Variants in ACSM2B observed in about 807,000 individuals in gnomAD.
ACSM2B encodes acyl-CoA synthetase medium chain family member 2B.
A neutral mutation model predicts 78.6 loss-of-function variants in ACSM2B; 58 were observed. That is an observed-to-expected ratio of 0.74 (90% CI 0.60 to 0.92). The LOEUF (loss-of-function observed/expected upper bound fraction) is 0.92. Ranked by LOEUF, ACSM2B falls within the 40% of genes least tolerant of loss-of-function variation. The probability of loss-of-function intolerance (pLI) is 0.00; values close to 1 mark genes in which losing one functional copy is unlikely to be tolerated. For missense variants in ACSM2B, 688 were observed against 711.2 expected (o/e 0.97, Z 0.37); for synonymous variants, 257 against 256.8 (o/e 1.00, Z -0.01).
intron 2 of ACSM2B, among the ~76,000 whole-genome samples, chr16:20,561,005 A>T (rs2015637071): frequency 6.6e-6 from 1 of 152,112 alleles, no homozygotes; most frequent in South Asian, 2.1e-4. Context: ...AATCTGACAG[A>T]AGAAATTTTT....
chr16:20,573,371 A>C (rs1245812608), intron 1 of ACSM2B, among the ~76,000 whole-genome samples: 1 of 150,516 alleles, frequency 6.6e-6, no homozygotes, highest in African/African-American at 2.5e-5. Context: ...AGGGGAGGCC[A>C]TCACTATTGC....
At position 20,552,475 on chromosome 16, in the gene ACSM2B, T is replaced by C. The variant is rs1438838831; in HGVS notation, c.741-178A>G. Among the ~76,000 whole-genome samples the C allele has an allele frequency of 5.9e-5, 9 of 152,174 alleles. 1 individual carries two copies. The South Asian group carries it at 1.9e-3, about 32-fold the overall frequency. ...GGAAGGGGGAAGAAAAGTTGTTCTG[T>C]CCACACATCCTGCATTGATAGGAGA... is the stretch of plus-strand genomic sequence containing the variant. On this transcript the variant is annotated intron_variant, in intron 5 of 13. Coordinates refer to ENST00000329697, the MANE Select transcript of ACSM2B (RefSeq NM_001105069.2).
At chr16:20,557,948 C>G (rs1567213368) in intron 3 of ACSM2B, among the ~76,000 whole-genome samples, 1 of 152,182 alleles carries the variant, frequency 6.6e-6, no homozygotes, top group Non-Finnish European at 1.5e-5. Flanking sequence ...AGAAATCTAA[C>G]TTATAGTCTA....
At chr16:20,570,129 T>C (rs1269493227) in intron 1 of ACSM2B, among the ~76,000 whole-genome samples, 1 of 151,826 alleles carries the variant, frequency 6.6e-6, no homozygotes, top group Non-Finnish European at 1.5e-5. Flanking sequence ...AGCATTCATG[T>C]CTTGTTCTAG....
chr16:20,544,098 A>T (rs181232136), intron 10 of ACSM2B, among the ~76,000 whole-genome samples: 1 of 152,080 alleles, frequency 6.6e-6, no homozygotes, highest in Non-Finnish European at 1.5e-5. Flanking sequence ...TTCCTTTTTT[A>T]TCAAATGGGG....
intron 13 of ACSM2B, among the ~76,000 whole-genome samples, chr16:20,538,421 A>G (rs2014900998): frequency 6.6e-6 from 1 of 152,224 alleles, no homozygotes; most frequent in Non-Finnish European, 1.5e-5. Context: ...TAGTTGCAAC[A>G]TAGACCACAT....
chr16:20,558,279 C>T (rs2015538377), intron 3 of ACSM2B, among the ~76,000 whole-genome samples: 2 of 151,368 alleles, frequency 1.3e-5, no homozygotes, highest in South Asian at 4.2e-4. Flanking sequence ...GTTGACTCAA[C>T]ACAAGAAGAC....
rs185378512 is a variant in ACSM2B at position 20,541,012 on chromosome 16, C to T, written c.1510-239G>A. The stretch of plus-strand genomic sequence containing the variant: ...TTGAGACCAGGCTCACCTCATGCTC[C>T]AAGGACAACAGAGACAGATGAGGAG... On this transcript the variant is annotated intron_variant, in intron 12 of 13. Transcript: ENST00000329697. 336 of 381,942 alleles carry T rather than the reference C, an allele frequency of 8.8e-4. 1 individual carries two copies. The highest frequency in any genetic ancestry group is 6.3e-3 in the African/African-American group (311 of 49,620). The allele number at this position is 381,942 out of a possible 1,614,324, so 23.7% of individuals were successfully genotyped here.
chr16:20,546,979 T>C, intron 8 of ACSM2B: 1 of 368,800 alleles, frequency 2.7e-6, no homozygotes. Context: ...CTTTTTAAAG[T>C]ATCTCCCATG....
At chr16:20,557,857 A>G (rs2152140731) in intron 3 of ACSM2B, among the ~76,000 whole-genome samples, 1 of 152,326 alleles carries the variant, frequency 6.6e-6, no homozygotes, top group East Asian at 1.9e-4. Context: ...GAAATCTGAC[A>G]TAGCTGACTT....
At chr16:20,545,313 T>G (rs2152133568) in intron 9 of ACSM2B, 55 bp from the exon 10 acceptor site, 5 of 1,579,302 alleles carry the variant, frequency 3.2e-6, no homozygotes, top group Middle Eastern at 1.7e-4. Flanking sequence ...ATGGCTTCAA[T>G]GGCAGCAGGA....
rs2015066001 is a variant in ACSM2B at position 20,543,828 on chromosome 16, G to T, written c.1282-566C>A. 2.0e-5 allele frequency among the ~76,000 whole-genome samples: 3 copies of T among 152,154 alleles called. No individual in the cohort carries two copies. In the South Asian group the frequency reaches 6.2e-4, roughly 32 times the overall value. Reference sequence around the variant, plus strand: ...CTTCCTATCTGACTCAGGTATAGGGGCATGGGCTCCAGACTGGAAGTTCAG... The same window carrying T: ...CTTCCTATCTGACTCAGGTATAGGGTCATGGGCTCCAGACTGGAAGTTCAG... On this transcript the variant is annotated intron_variant, in intron 10 of 13. Coordinates refer to ENST00000329697, the MANE Select transcript of ACSM2B (RefSeq NM_001105069.2).
intron 13 of ACSM2B, among the ~76,000 whole-genome samples, chr16:20,538,949 CT>C (rs2014917191): frequency 6.6e-6 from 1 of 152,102 alleles, no homozygotes; most frequent in Non-Finnish European, 1.5e-5. Context: ...CACCAGACCC[CT>C]GTGGGGATTG....
intron 10 of ACSM2B, chr16:20,544,644 T>A (rs1483009643): frequency 1.0e-6 from 1 of 985,014 alleles, no homozygotes; most frequent in Admixed American, 6.1e-5. Flanking sequence ...GCAAGTCTTG[T>A]AATCTCTGGC....
intron 1 of ACSM2B, among the ~76,000 whole-genome samples, chr16:20,570,331 G>C (rs2016058577): frequency 1.3e-5 from 2 of 151,878 alleles, no homozygotes; most frequent in Admixed American, 6.6e-5. Context: ...TGTGATTTTT[G>C]TTTTTAATTC....
chr16:20,575,940 C>G (rs908989946), intron 1 of ACSM2B: 2 of 151,820 alleles, frequency 1.3e-5, no homozygotes, highest in African/African-American at 4.9e-5. Flanking sequence ...TGGGATTCAT[C>G]CTTCTCTGAC....
chr16:20,553,389 C>T (rs1215787229), intron 5 of ACSM2B, among the ~76,000 whole-genome samples: 2 of 152,194 alleles, frequency 1.3e-5, no homozygotes, highest in Non-Finnish European at 2.9e-5. Flanking sequence ...TCTTCCACTT[C>T]AGTCAATTTG....
Position 20,563,429 on chromosome 16 carries a change from A to G in ACSM2B, c.177+1240T>C, listed in dbSNP as rs192046886. Reference sequence around the variant, plus strand: ...GTTGAATATTTTCTCCATGGTTTTCATTAGTCATTTATTTTGCTAATGGTG... The same window carrying G: ...GTTGAATATTTTCTCCATGGTTTTCGTTAGTCATTTATTTTGCTAATGGTG... On this transcript the variant is annotated intron_variant, in intron 2 of 13. Coordinates refer to ENST00000329697, the MANE Select transcript of ACSM2B (RefSeq NM_001105069.2). 4.6e-5 allele frequency among the ~76,000 whole-genome samples: 7 copies of G among 152,218 alleles called. 1 individual carries two copies. In the East Asian group the frequency reaches 9.7e-4, roughly 21 times the overall value.
At chr16:20,549,677 G>T (rs565350525) in intron 6 of ACSM2B, 5 of 395,480 alleles carry the variant, frequency 1.3e-5, no homozygotes, top group African/African-American at 4.3e-5. Flanking sequence ...GCCCTCAGGA[G>T]GTCCTGAGAA....
Sources: allele counts gnomAD v4.1 joint callset (sites outside exome capture counted in the v4.1 genomes callset), GRCh38; gene constraint gnomAD v4.1.1; transcripts MANE v1.5; gene names NCBI Gene and HGNC (gene_info 2026-07-23, HGNC 2026-07-21).